The following OR8K1 variants were observed in gnomAD, a reference collection of about 807,000 sequenced individuals.
OR8K1 encodes olfactory receptor family 8 subfamily K member 1.
For synonymous variants in OR8K1, 157 were observed against 139.4 expected (o/e 1.13, Z -0.89); for missense variants, 417 against 374.0 (o/e 1.11, Z -0.95).
Position 56,346,758 on chromosome 11 carries a change from G to A in OR8K1, c.720G>A (p.Arg240=), listed in dbSNP as rs751985672. Residue 240 remains arginine, a synonymous_variant, in exon 1 of 1, where the codon AGG becomes AGA. Transcript: ENST00000279783. ...AILRMNSRKG[R]YKAFSTCSSH... ...TCAGAATGAACTCAAGGAAAGGGAG[G>A]TACAAAGCCTTCTCCACCTGTAGCT... 4 of 1,613,970 alleles carry A rather than the reference G, an allele frequency of 2.5e-6. No homozygotes were observed. The highest frequency in any genetic ancestry group is 3.4e-6 in the Non-Finnish European group (4 of 1,179,928).
rs1375625898 is a variant in OR8K1 at position 56,346,340 on chromosome 11, A to T, written c.302A>T (p.Asn101Ile). The T allele has an allele frequency of 6.2e-7, 1 of 1,614,072 alleles. No homozygotes were observed. Among genetic ancestry groups the T allele is most frequent in the Non-Finnish European group, 8.5e-7 (1 of 1,179,980 alleles). The change falls in exon 1 of 1, where the codon AAT becomes ATT. Residue 101 changes from asparagine (N) to isoleucine (I), a missense_variant. By Grantham distance (149) the Asn-to-Ile change is moderately radical (BLOSUM62 -3). Coordinates refer to ENST00000279783, the MANE Select transcript of OR8K1 (RefSeq NM_001002907.1). ...FIVHKNTISYNWYATQLAFFE... is the reference protein window; with the variant it reads ...FIVHKNTISYIWYATQLAFFE... Reference sequence around the variant, plus strand: ...GTGCACAAAAACACAATTTCTTACAATTGGTATGCCACTCAGCTAGCATTC... The same window carrying T: ...GTGCACAAAAACACAATTTCTTACATTTGGTATGCCACTCAGCTAGCATTC...
In OR8K1 at chr11:56,346,707, C is replaced by G; in HGVS notation, c.669C>G (p.Ser223=). 1 of 1,613,624 alleles carries G rather than the reference C, an allele frequency of 6.2e-7. No homozygotes were observed. The highest frequency in any genetic ancestry group is 1.7e-5 in the Admixed American group (1 of 59,992). ...LLFSLSIVLI[S]YMFILVAILR... is the part of the protein sequence containing the mutation. ...TCTCCCTCTCAATTGTTCTCATATC[C>G]TACATGTTTATTCTAGTGGCCATTC... Residue 223 remains serine, a synonymous_variant, in exon 1 of 1, where the codon TCC becomes TCG. Coordinates refer to ENST00000279783, the MANE Select transcript of OR8K1 (RefSeq NM_001002907.1).
chr11:56,346,561 T>C lies in OR8K1; in HGVS notation c.523T>C (p.Cys175Arg), dbSNP rs751110527. ...AATTAAGTTATTTAAACTGTCCTTC[T>C]GTGGCTCAAACATAATCAGCTATTT... ...LTIKLFKLSF[C>R]GSNIISYFYC... is the part of the protein sequence containing the mutation. The change falls in exon 1 of 1, where the codon TGT becomes CGT. Residue 175 changes from cysteine (C) to arginine (R), a missense_variant. Coordinates refer to ENST00000279783, the MANE Select transcript of OR8K1 (RefSeq NM_001002907.1). The C allele has an allele frequency of 1.9e-6, 3 of 1,613,964 alleles. No individual in the cohort carries two copies. Among genetic ancestry groups the C allele is most frequent in the Non-Finnish European group, 2.5e-6 (3 of 1,179,874 alleles).
rs189612466 is a variant in OR8K1, at chr11:56,346,811, A to G, written c.773A>G (p.Tyr258Cys). 1.2e-5 allele frequency: 20 copies of G among 1,613,910 alleles called. No homozygotes were observed. The Admixed American group carries it at 2.5e-4, about 20-fold the overall frequency. Reference protein sequence around the residue: ...SSHLTVVIMFYGTLLFIYLQP... With the variant: ...SSHLTVVIMFCGTLLFIYLQP... Reference sequence around the variant, plus strand: ...CATCTGACAGTGGTGATCATGTTCTATGGGACATTGTTATTTATTTACTTG... The same window carrying G: ...CATCTGACAGTGGTGATCATGTTCTGTGGGACATTGTTATTTATTTACTTG... Residue 258 changes from tyrosine (Y) to cysteine (C), a missense_variant, in exon 1 of 1, where the codon TAT (tyrosine) becomes TGT (cysteine). By Grantham distance (194) the Tyr-to-Cys change is radical. Transcript: ENST00000279783.
At position 56,346,481 on chromosome 11, in the gene OR8K1, G is replaced by C. The variant is rs776787983; in HGVS notation, c.443G>C (p.Trp148Ser). ...YVIIMAEKVL[W>S]VLVIVPYLYS... ...ATCATCATGGCAGAGAAAGTACTTTGGGTGCTGGTAATTGTTCCCTATCTC... is the reference window on the plus strand; with the variant it reads ...ATCATCATGGCAGAGAAAGTACTTTCGGTGCTGGTAATTGTTCCCTATCTC... Residue 148 changes from tryptophan to serine, a missense_variant, in exon 1 of 1, where the codon TGG (tryptophan) becomes TCG (serine). Physicochemically the swap from Trp to Ser is radical, Grantham distance 177. Coordinates refer to ENST00000279783, the MANE Select transcript of OR8K1 (RefSeq NM_001002907.1). The C allele has an allele frequency of 7.4e-6, 12 of 1,613,830 alleles. No individual in the cohort carries two copies. The highest frequency in any genetic ancestry group is 1.0e-5 in the Non-Finnish European group (12 of 1,179,976).
chr11:56,346,191 G>A lies in OR8K1; in HGVS notation c.153G>A (p.Met51Ile). ...TCACAGTGATAGGCAATCTGGGCAT[G>A]GTTATCTTGACCTACTTGGACTCCA... ...YLVTVIGNLG[M>I]VILTYLDSKL... is the part of the protein sequence containing the mutation. Residue 51 changes from methionine (M) to isoleucine (I), a missense_variant, in exon 1 of 1, where the codon ATG (methionine) becomes ATA (isoleucine). Physicochemically the swap from Met to Ile is conservative, Grantham distance 10 (BLOSUM62 1). Transcript: ENST00000279783. 6.2e-7 allele frequency: 1 copy of A among 1,613,996 alleles called. No individual in the cohort carries two copies. Among genetic ancestry groups the A allele is most frequent in the South Asian group, 1.1e-5 (1 of 91,074 alleles).
At position 56,346,659 on chromosome 11, in the gene OR8K1, C is replaced by T. The variant is rs756269903; in HGVS notation, c.621C>T (p.Ile207=). The change falls in exon 1 of 1, where the codon ATC becomes ATT. Residue 207 remains isoleucine, a synonymous_variant. Transcript: ENST00000279783. The part of the protein sequence containing the change: ...DTNELELIIL[I]FSGCNLLFSL... ...ATGAATTAGAATTAATAATTTTGAT[C>T]TTCTCAGGCTGTAATTTGCTCTTCT... 50 of 1,613,656 alleles carry T rather than the reference C, an allele frequency of 3.1e-5. No homozygotes were observed. The highest frequency in any genetic ancestry group is 3.5e-5 in the Non-Finnish European group (41 of 1,179,758).
Position 56,346,927 on chromosome 11 carries a change from A to G in OR8K1, c.889A>G (p.Ser297Gly). 1 of 1,612,634 alleles carries G rather than the reference A, an allele frequency of 6.2e-7. No homozygotes were observed. The change falls in exon 1 of 1, where the codon AGC (serine) becomes GGC (glycine). Residue 297 changes from serine (S) to glycine (G), a missense_variant. Physicochemically the swap from Ser to Gly is moderately conservative, Grantham distance 56. Coordinates refer to ENST00000279783, the MANE Select transcript of OR8K1 (RefSeq NM_001002907.1). Reference sequence around the variant, plus strand: ...TCCTATGCTGAATCCGTTGATCTACAGCCTAAGGAACAAAGAAGTAAAAGA... The same window carrying G: ...TCCTATGCTGAATCCGTTGATCTACGGCCTAAGGAACAAAGAAGTAAAAGA... The part of the protein sequence containing the change: ...LIPMLNPLIY[S>G]LRNKEVKDAL...
In OR8K1 at chr11:56,346,742, A is replaced by G; in HGVS notation, c.704A>G (p.Asn235Ser). Residue 235 changes from asparagine (N) to serine (S), a missense_variant, in exon 1 of 1, where the codon AAC (asparagine) becomes AGC (serine). Asn to Ser is a conservative substitution (Grantham distance 46, BLOSUM62 1). Transcript: ENST00000279783. Reference sequence around the variant, plus strand: ...ATTCTAGTGGCCATTCTCAGAATGAACTCAAGGAAAGGGAGGTACAAAGCC... The same window carrying G: ...ATTCTAGTGGCCATTCTCAGAATGAGCTCAAGGAAAGGGAGGTACAAAGCC... ...MFILVAILRM[N>S]SRKGRYKAFS... 1 of 1,613,962 alleles carries G rather than the reference A, an allele frequency of 6.2e-7. No individual in the cohort carries two copies. The highest frequency in any genetic ancestry group is 8.5e-7 in the Non-Finnish European group (1 of 1,179,938).
In OR8K1 at chr11:56,346,094, T is replaced by C. The variant is rs748843162; in HGVS notation, c.56T>C (p.Ile19Thr). 1.2e-6 allele frequency: 2 copies of C among 1,613,336 alleles called. No individual in the cohort carries two copies. The highest frequency in any genetic ancestry group is 2.2e-5 in the East Asian group (1 of 44,888). ...HTAVTKVTEFILMGITDNPGL... is the reference protein window; with the variant it reads ...HTAVTKVTEFTLMGITDNPGL... ...GCAGTGACCAAGGTGACTGAATTTA[T>C]TCTCATGGGGATTACAGACAACCCT... is the stretch of plus-strand genomic sequence containing the variant. Residue 19 changes from isoleucine (I) to threonine (T), a missense_variant, in exon 1 of 1, where the codon ATT becomes ACT. Ile to Thr is a moderately conservative substitution (Grantham distance 89). Coordinates refer to ENST00000279783, the MANE Select transcript of OR8K1 (RefSeq NM_001002907.1).
chr11:56,346,273 TACTCCACTGTC>T lies in OR8K1; in HGVS notation c.237_247del (p.Ser80CysfsTer28). On this transcript the variant is annotated frameshift_variant, in exon 1 of 1. Transcript: ENST00000279783. LOFTEE classifies it low-confidence loss of function (END_TRUNC). ...ACATTTGTCAATCACTGATCTTGGT[TACTCCACTGTC>T]ATTGCCCCGAAGATGTTAGTAAACT... 6.2e-7 allele frequency: 1 copy of T among 1,614,152 alleles called. No individual in the cohort carries two copies. Among genetic ancestry groups the T allele is most frequent in the Non-Finnish European group, 8.5e-7 (1 of 1,179,986 alleles).
Position 56,346,545 on chromosome 11 carries a change from A to G in OR8K1, c.507A>G (p.Leu169=). The G allele has an allele frequency of 6.2e-7, 1 of 1,614,058 alleles. No homozygotes were observed. The highest frequency in any genetic ancestry group is 8.5e-7 in the Non-Finnish European group (1 of 1,179,992). ...TGTCACTATTTCTCACAATTAAGTTATTTAAACTGTCCTTCTGTGGCTCAA... is the reference window on the plus strand; with the variant it reads ...TGTCACTATTTCTCACAATTAAGTTGTTTAAACTGTCCTTCTGTGGCTCAA... ...TFVSLFLTIK[L]FKLSFCGSNI... is the part of the protein sequence containing the mutation. The change falls in exon 1 of 1, where the codon TTA becomes TTG. Residue 169 remains leucine (L), a synonymous_variant. Transcript: ENST00000279783.
At position 56,346,696 on chromosome 11, in the gene OR8K1, G is replaced by T; in HGVS notation, c.658G>T (p.Val220Phe). 1.2e-6 allele frequency: 2 copies of T among 1,613,442 alleles called. No homozygotes were observed. Among genetic ancestry groups the T allele is most frequent in the East Asian group, 2.2e-5 (1 of 44,846 alleles). The change falls in exon 1 of 1, where the codon GTT (valine) becomes TTT (phenylalanine). Residue 220 changes from valine to phenylalanine, a missense_variant. Coordinates refer to ENST00000279783, the MANE Select transcript of OR8K1 (RefSeq NM_001002907.1). ...GCNLLFSLSI[V>F]LISYMFILVA... ...TAATTTGCTCTTCTCCCTCTCAATTGTTCTCATATCCTACATGTTTATTCT... is the reference window on the plus strand; with the variant it reads ...TAATTTGCTCTTCTCCCTCTCAATTTTTCTCATATCCTACATGTTTATTCT...
rs1457863701 is a variant in OR8K1 at position 56,346,754 on chromosome 11, G to A, written c.716G>A (p.Gly239Glu). Residue 239 changes from glycine (G) to glutamate (E), a missense_variant, in exon 1 of 1, where the codon GGG becomes GAG. Gly to Glu is a moderately conservative substitution (Grantham distance 98, BLOSUM62 -2). Coordinates refer to ENST00000279783, the MANE Select transcript of OR8K1 (RefSeq NM_001002907.1). ...VAILRMNSRK[G>E]RYKAFSTCSS... ...ATTCTCAGAATGAACTCAAGGAAAG[G>A]GAGGTACAAAGCCTTCTCCACCTGT... 6.2e-7 allele frequency: 1 copy of A among 1,613,974 alleles called. No individual in the cohort carries two copies. Among genetic ancestry groups the A allele is most frequent in the Non-Finnish European group, 8.5e-7 (1 of 1,179,940 alleles).
chr11:56,346,060 A>T lies in OR8K1; in HGVS notation c.22A>T (p.Asn8Tyr). 2.5e-6 allele frequency: 4 copies of T among 1,604,902 alleles called. No homozygotes were observed. Among genetic ancestry groups the T allele is most frequent in the Non-Finnish European group, 3.4e-6 (4 of 1,174,800 alleles). MNHVVKH[N>Y]HTAVTKVTEF... ...CAAGATGAATCATGTGGTAAAACAC[A>T]ATCACACGGCAGTGACCAAGGTGAC... Residue 8 changes from asparagine to tyrosine, a missense_variant, in exon 1 of 1, where the codon AAT (asparagine) becomes TAT (tyrosine). Transcript: ENST00000279783.
At position 56,346,851 on chromosome 11, in the gene OR8K1, T is replaced by G. The variant is rs1008848708; in HGVS notation, c.813T>G (p.Ser271Arg). The G allele has an allele frequency of 2.5e-6, 4 of 1,613,966 alleles. No homozygotes were observed. The highest frequency in any genetic ancestry group is 3.4e-6 in the Non-Finnish European group (4 of 1,179,964). ...LLFIYLQPKS[S>R]HTLAIDKMAS... ...TTATTTACTTGCAACCCAAGTCCAG[T>G]CATACTTTGGCTATTGATAAAATGG... is the stretch of plus-strand genomic sequence containing the variant. Residue 271 changes from serine (S) to arginine (R), a missense_variant, in exon 1 of 1, where the codon AGT (serine) becomes AGG (arginine). Transcript: ENST00000279783.
Position 56,346,317 on chromosome 11 carries a change from GCACAAAAACA to G in OR8K1, c.282_291del (p.His94GlnfsTer11), listed in dbSNP as rs1399358149. ...CGAAGATGTTAGTAAACTTCATAGT[GCACAAAAACA>G]CAATTTCTTACAATTGGTATGCCAC... On this transcript the variant is annotated frameshift_variant, in exon 1 of 1. Coordinates refer to ENST00000279783, the MANE Select transcript of OR8K1 (RefSeq NM_001002907.1). LOFTEE classifies it low-confidence loss of function (END_TRUNC). 1 of 1,613,958 alleles carries G rather than the reference GCACAAAAACA, an allele frequency of 6.2e-7. No homozygotes were observed. Among genetic ancestry groups the G allele is most frequent in the Non-Finnish European group, 8.5e-7 (1 of 1,179,984 alleles).
At position 56,346,801 on chromosome 11, in the gene OR8K1, A is replaced by G; in HGVS notation, c.763A>G (p.Ile255Val). 2 of 1,613,970 alleles carry G rather than the reference A, an allele frequency of 1.2e-6. No homozygotes were observed. The highest frequency in any genetic ancestry group is 1.7e-6 in the Non-Finnish European group (2 of 1,179,892). Residue 255 changes from isoleucine (I) to valine (V), a missense_variant, in exon 1 of 1, where the codon ATC becomes GTC. Coordinates refer to ENST00000279783, the MANE Select transcript of OR8K1 (RefSeq NM_001002907.1). Reference sequence around the variant, plus strand: ...CTGTAGCTCTCATCTGACAGTGGTGATCATGTTCTATGGGACATTGTTATT... The same window carrying G: ...CTGTAGCTCTCATCTGACAGTGGTGGTCATGTTCTATGGGACATTGTTATT... ...STCSSHLTVV[I>V]MFYGTLLFIY... is the part of the protein sequence containing the mutation.
rs766904531 is a variant in OR8K1 at position 56,346,758 on chromosome 11, G to GCCTTC, written c.720_721insCCTTC (p.Tyr241ProfsTer13). ...TCAGAATGAACTCAAGGAAAGGGAG[G>GCCTTC]TACAAAGCCTTCTCCACCTGTAGCT... On this transcript the variant is annotated frameshift_variant, in exon 1 of 1. Coordinates refer to ENST00000279783, the MANE Select transcript of OR8K1 (RefSeq NM_001002907.1). LOFTEE classifies it low-confidence loss of function (END_TRUNC). 7.4e-6 allele frequency: 12 copies of GCCTTC among 1,613,970 alleles called. No individual in the cohort carries two copies. The highest frequency in any genetic ancestry group is 1.6e-4 in the Middle Eastern group (1 of 6,062).
Sources: gnomAD v4.1 joint callset for allele counts on GRCh38, gnomAD v4.1.1 for gene constraint, MANE v1.5 for transcripts, NCBI Gene and HGNC (gene_info 2026-07-23, HGNC 2026-07-21) for gene names.